ARHGAP15: variants seen among roughly 807,000 people sequenced by gnomAD.
ARHGAP15 encodes the protein Rho GTPase activating protein 15, also known as rho GTPase-activating protein 15.
In ARHGAP15, 51 loss-of-function variants were observed where a neutral mutation model predicts 63.7. The ratio of observed to expected loss-of-function variants is 0.80; its 90% CI spans 0.64 to 1.01. ARHGAP15 has a LOEUF of 1.01. Among genes scored for constraint, ARHGAP15 ranks in the 50% least tolerant of loss-of-function variants. The probability of loss-of-function intolerance (pLI) is 0.00; values close to 1 mark genes in which losing one functional copy is unlikely to be tolerated. For synonymous variants in ARHGAP15, 191 were observed against 193.8 expected, an observed-to-expected ratio of 0.99 and a Z score of 0.12; for missense variants, 560 against 564.6, an observed-to-expected ratio of 0.99 and a Z score of 0.08.
At chr2:143,383,322 G>C (rs1470041949) in intron 6 of ARHGAP15, among the ~76,000 whole-genome samples, 1 of 152,054 alleles carries the variant, frequency 6.6e-6, no homozygotes, top group Non-Finnish European at 1.5e-5. Flanking sequence ...TTCTCAAGCA[G>C]ATTTCTTGGC....
intron 9 of ARHGAP15, among the ~76,000 whole-genome samples, chr2:143,509,811 G>A (rs905689700): frequency 7.2e-5 from 11 of 151,864 alleles, no homozygotes; most frequent in East Asian, 5.8e-4. Flanking sequence ...TCACGAGCTC[G>A]GGAGCTCGAG....
chr2:143,373,600 A>G (rs966680231), intron 6 of ARHGAP15, among the ~76,000 whole-genome samples: 3 of 136,610 alleles, frequency 2.2e-5, no homozygotes, highest in Non-Finnish European at 4.6e-5. Context: ...ACTGCACTCC[A>G]GCCTGGGTGA....
At chr2:143,523,105 C>A (rs1364170533) in intron 10 of ARHGAP15, among the ~76,000 whole-genome samples, 2 of 152,096 alleles carry the variant, frequency 1.3e-5, no homozygotes, top group African/African-American at 4.8e-5. Context: ...GCACGTGACA[C>A]CTTGTAAGTA....
At chr2:143,293,131 A>G (rs1421693134) in intron 6 of ARHGAP15, among the ~76,000 whole-genome samples, 1 of 152,068 alleles carries the variant, frequency 6.6e-6, no homozygotes, top group Non-Finnish European at 1.5e-5. Flanking sequence ...TCCCTTTGGT[A>G]TGCATTTGGG....
intron 6 of ARHGAP15, among the ~76,000 whole-genome samples, chr2:143,306,007 T>C (rs1683152300): frequency 6.6e-6 from 1 of 152,174 alleles, no homozygotes; most frequent in African/African-American, 2.4e-5. Flanking sequence ...TTGTGAGAGG[T>C]ACTTACGTTG....
intron 8 of ARHGAP15, among the ~76,000 whole-genome samples, chr2:143,455,346 A>C (rs886835127): frequency 6.6e-6 from 1 of 152,100 alleles, no homozygotes; most frequent in African/African-American, 2.4e-5. Flanking sequence ...GGTCACTTTC[A>C]TTGCCATCTT....
At chr2:143,627,068 A>T (rs1414943046) in intron 12 of ARHGAP15, among the ~76,000 whole-genome samples, 2 of 152,118 alleles carry the variant, frequency 1.3e-5, no homozygotes, top group Non-Finnish European at 2.9e-5. Flanking sequence ...TTAGCCAGAG[A>T]GTGGGCCCTC....
chr2:143,673,758 G>GTGTGTGTGTGTGTATATATATATA lies in ARHGAP15; in HGVS notation c.1139-29660_1139-29659insGTGTGTGTGTGTATATATATATAT, dbSNP rs1553520615. Among the ~76,000 whole-genome samples, 20 of 22,126 alleles carry GTGTGTGTGTGTGTATATATATATA rather than the reference G, an allele frequency of 9.0e-4. 1 individual carries two copies. The highest frequency in any genetic ancestry group is 2.5e-3 in the Admixed American group (3 of 1,204). 14.5% of individuals were successfully genotyped at this position (22,126 alleles called of 152,430 possible). A position where few individuals can be genotyped will look rare whatever the true frequency, so the allele number is the denominator to read the frequency against. On this transcript the variant is annotated intron_variant, in intron 12 of 13. Transcript: ENST00000295095. ...TGTGTGTGTGTGTGTGTGTGTGTGT[G>GTGTGTGTGTGTGTATATATATATA]TATATATATATATATATATATATAT...
At chr2:143,274,495 C>T (rs1339823985) in intron 6 of ARHGAP15, among the ~76,000 whole-genome samples, 2 of 152,194 alleles carry the variant, frequency 1.3e-5, no homozygotes, top group Non-Finnish European at 2.9e-5. Context: ...GACCTTTGAT[C>T]TGAAATGTTC....
chr2:143,273,138 A>G (rs921355274), intron 6 of ARHGAP15, among the ~76,000 whole-genome samples: 18 of 152,068 alleles, frequency 1.2e-4, no homozygotes, highest in African/African-American at 4.3e-4. Flanking sequence ...TCATTATTCT[A>G]TTGCTATTTG....
intron 9 of ARHGAP15, among the ~76,000 whole-genome samples, chr2:143,495,398 A>G (rs548799286): frequency 1.3e-5 from 2 of 152,282 alleles, no homozygotes; most frequent in South Asian, 2.1e-4. Flanking sequence ...GGCTTGGCTT[A>G]TATTTCTCTT....
chr2:143,721,061 CAAAAA>C (rs60500194), intron 13 of ARHGAP15, among the ~76,000 whole-genome samples: 1 of 78,432 alleles, frequency 1.3e-5, no homozygotes, highest in Admixed American at 1.6e-4. Context: ...GACTCCGTCT[CAAAAA>C]AAAAAAAAAA....
At chr2:143,203,025 C>A (rs1006376118) in intron 3 of ARHGAP15, among the ~76,000 whole-genome samples, 2 of 152,028 alleles carry the variant, frequency 1.3e-5, no homozygotes, top group Non-Finnish European at 2.9e-5. Context: ...TTCCTCTATG[C>A]TCATTCAACT....
chr2:143,625,161 TGCAAGCCTG>T (rs547378140), intron 12 of ARHGAP15, among the ~76,000 whole-genome samples: 1 of 152,150 alleles, frequency 6.6e-6, no homozygotes, highest in South Asian at 2.1e-4. Context: ...TTAAAAACCT[TGCAAGCCTG>T]GCAGGAGCTT....
At chr2:143,230,893 C>T (rs1693406749) in intron 5 of ARHGAP15, among the ~76,000 whole-genome samples, 1 of 152,254 alleles carries the variant, frequency 6.6e-6, no homozygotes, top group South Asian at 2.1e-4. Flanking sequence ...AAAAAGTCTG[C>T]CCTTTCCTCC....
chr2:143,239,829 A>G (rs1404077852), intron 5 of ARHGAP15, among the ~76,000 whole-genome samples: 3 of 151,856 alleles, frequency 2.0e-5, no homozygotes, highest in Non-Finnish European at 4.4e-5. Flanking sequence ...CATCTCTACT[A>G]AAAATACAAA....
At chr2:143,453,797 C>G (rs936029585) in intron 8 of ARHGAP15, among the ~76,000 whole-genome samples, 1 of 142,530 alleles carries the variant, frequency 7.0e-6, no homozygotes, top group Non-Finnish European at 1.5e-5. Context: ...TTTATCCAAT[C>G]GGAAAAAAAA....
At chr2:143,682,415 C>A (rs1412586113) in intron 12 of ARHGAP15, among the ~76,000 whole-genome samples, 1 of 151,836 alleles carries the variant, frequency 6.6e-6, no homozygotes, top group Non-Finnish European at 1.5e-5. Flanking sequence ...ATAAAATCAG[C>A]AATGAATGTG....
intron 1 of ARHGAP15, among the ~76,000 whole-genome samples, chr2:143,152,954 C>G (rs2105004320): frequency 6.6e-6 from 1 of 152,032 alleles, no homozygotes; most frequent in African/African-American, 2.4e-5. Context: ...AAAGCAAAAT[C>G]TTGAAAGTAT....
Sources: gnomAD v4.1 joint callset for allele counts (sites outside exome capture counted in the v4.1 genomes callset) on GRCh38, gnomAD v4.1.1 for gene constraint, MANE v1.5 for transcripts, NCBI Gene and HGNC (gene_info 2026-07-23, HGNC 2026-07-21) for gene names.